Variants in CNTN5 observed in about 807,000 individuals in gnomAD.
The protein encoded by CNTN5 is contactin-5.
CNTN5 carries 77 observed loss-of-function variants against 129.1 expected under a neutral mutation model. The ratio of observed to expected loss-of-function variants is 0.60; its 90% confidence interval spans 0.50 to 0.72. The LOEUF (loss-of-function observed/expected upper bound fraction) is 0.72, where lower values mean the gene tolerates loss of function less well. Among genes scored for constraint, CNTN5 ranks in the 30% least tolerant of loss-of-function variants. The pLI is 0.00. For missense variants in CNTN5, 1,478 were observed against 1,328.8 expected (o/e 1.11, Z -1.75); for synonymous variants, 509 against 465.6 (o/e 1.09, Z -1.20).
chr11:99,304,872 T>C (rs777449080), intron 1 of CNTN5, among the ~76,000 whole-genome samples: 10 of 152,194 alleles, frequency 6.6e-5, no homozygotes, highest in Admixed American at 1.3e-4. Context: ...CTACGAGTTG[T>C]GACTGTGTCT....
intron 1 of CNTN5, among the ~76,000 whole-genome samples, chr11:99,301,068 G>A (rs1050375203): frequency 6.6e-6 from 1 of 151,706 alleles, no homozygotes; most frequent in Non-Finnish European, 1.5e-5. Flanking sequence ...GCACTGAGAT[G>A]TTAATTATAA....
chr11:99,884,917 C>T (rs1046679062), intron 6 of CNTN5, among the ~76,000 whole-genome samples: 1 of 152,126 alleles, frequency 6.6e-6, no homozygotes, highest in Non-Finnish European at 1.5e-5. Context: ...GCAGAGGTTG[C>T]AGTCAGCCGA....
chr11:99,493,014 T>A (rs1946094553), intron 2 of CNTN5, among the ~76,000 whole-genome samples: 1 of 152,196 alleles, frequency 6.6e-6, no homozygotes, highest in Non-Finnish European at 1.5e-5. Context: ...GATAATTCTT[T>A]AATGGTTTGT....
intron 2 of CNTN5, among the ~76,000 whole-genome samples, chr11:99,335,367 A>T (rs1414274853): frequency 1.3e-5 from 2 of 152,080 alleles, no homozygotes; most frequent in Non-Finnish European, 2.9e-5. Context: ...GAGTCATGTT[A>T]CCTATATGGT....
intron 3 of CNTN5, among the ~76,000 whole-genome samples, chr11:99,759,693 A>C (rs933536003): frequency 7.0e-6 from 1 of 143,678 alleles, no homozygotes; most frequent in African/African-American, 2.5e-5. Flanking sequence ...GCATAAGAAA[A>C]AGGGAGGGAG....
chr11:100,035,578 G>T (rs1015541718), intron 9 of CNTN5, among the ~76,000 whole-genome samples: 14 of 142,544 alleles, frequency 9.8e-5, no homozygotes, highest in South Asian at 4.8e-4. Context: ...CTAGTTTACA[G>T]TCCCACCAAC....
At chr11:99,742,418 G>A (rs1166672373) in intron 3 of CNTN5, among the ~76,000 whole-genome samples, 1 of 152,124 alleles carries the variant, frequency 6.6e-6, no homozygotes, top group Non-Finnish European at 1.5e-5. Flanking sequence ...GGAAACCTTG[G>A]TTCAGTAACC....
chr11:99,803,423 T>C lies in CNTN5; in HGVS notation c.56-16121T>C, dbSNP rs1353649132. On this transcript the variant is annotated intron_variant, in intron 3 of 24. Transcript: ENST00000524871. ...CTGACTGGAGGTCCTTACCCTACTT[T>C]AGAGCAGGTGACCCAAGCTCTGGCC... Among the ~76,000 whole-genome samples the C allele has an allele frequency of 2.6e-5, 4 of 152,216 alleles. No homozygotes were observed. The South Asian group carries it at 6.2e-4, about 24-fold the overall frequency.
chr11:99,164,179 A>T (rs1860761722), intron 1 of CNTN5, among the ~76,000 whole-genome samples: 1 of 152,036 alleles, frequency 6.6e-6, no homozygotes, highest in Admixed American at 6.6e-5. Flanking sequence ...TACAAAAATT[A>T]ACAGGGCATG....
chr11:100,073,367 A>G (rs924163980), intron 12 of CNTN5, among the ~76,000 whole-genome samples: 9 of 151,978 alleles, frequency 5.9e-5, no homozygotes, highest in Non-Finnish European at 1.0e-4. Context: ...GTTTTAAAAA[A>G]TCTCTTAACC....
At chr11:99,894,186 T>A (rs1949137840) in intron 6 of CNTN5, among the ~76,000 whole-genome samples, 1 of 152,132 alleles carries the variant, frequency 6.6e-6, no homozygotes, top group South Asian at 2.1e-4. Context: ...TTGCTCATGG[T>A]GGCATAGTTC....
At chr11:100,194,963 A>T (rs540001718) in intron 15 of CNTN5, among the ~76,000 whole-genome samples, 4 of 152,106 alleles carry the variant, frequency 2.6e-5, no homozygotes, top group African/African-American at 7.2e-5. Flanking sequence ...TCACCATCTC[A>T]TTAAATGAGC....
At chr11:99,629,759 A>T (rs1951271604) in intron 3 of CNTN5, among the ~76,000 whole-genome samples, 1 of 151,936 alleles carries the variant, frequency 6.6e-6, no homozygotes, top group African/African-American at 2.4e-5. Flanking sequence ...ATAAAATGAG[A>T]TACTCAATTC....
chr11:99,549,842 G>A (rs1311882467), intron 2 of CNTN5, among the ~76,000 whole-genome samples: 3 of 152,048 alleles, frequency 2.0e-5, no homozygotes, highest in Admixed American at 2.0e-4. Context: ...TTCTAGAGTA[G>A]TTATCTTTTT....
intron 1 of CNTN5, among the ~76,000 whole-genome samples, chr11:99,096,808 T>A (rs1866485623): frequency 6.6e-6 from 1 of 151,828 alleles, no homozygotes. Flanking sequence ...CTCGCTGTCA[T>A]ACTGCTTGCA....
intron 2 of CNTN5, among the ~76,000 whole-genome samples, chr11:99,439,330 T>C (rs1185514056): frequency 6.6e-6 from 1 of 151,744 alleles, no homozygotes; most frequent in Admixed American, 6.6e-5. Flanking sequence ...ATATTTAAGA[T>C]TTTAGAGAGG....
chr11:100,009,185 A>G (rs11222334), intron 9 of CNTN5, among the ~76,000 whole-genome samples: 61,502 of 151,926 alleles, frequency 0.4, 13,488 homozygotes, highest in African/African-American at 0.58. Context: ...AGAAACCTCT[A>G]CTTAAATCTG....
intron 1 of CNTN5, among the ~76,000 whole-genome samples, chr11:99,197,840 GTAGAGA>G (rs1858981608): frequency 6.6e-6 from 1 of 152,090 alleles, no homozygotes; most frequent in African/African-American, 2.4e-5. Flanking sequence ...TTTTCTAATA[GTAGAGA>G]TAATTTCTAA....
chr11:99,999,670 G>T (rs1369241774), intron 8 of CNTN5, among the ~76,000 whole-genome samples: 13 of 152,116 alleles, frequency 8.5e-5, no homozygotes, highest in Non-Finnish European at 2.9e-5. Context: ...TATACCCAAA[G>T]GACTATAAAT....
Sources: allele counts gnomAD v4.1 joint callset (sites outside exome capture counted in the v4.1 genomes callset), GRCh38; gene constraint gnomAD v4.1.1; transcripts MANE v1.5; gene names NCBI Gene and HGNC (gene_info 2026-07-23, HGNC 2026-07-21).